PPM1E: variants seen among roughly 807,000 people sequenced by gnomAD.
PPM1E encodes protein phosphatase 1E.
PPM1E carries 20 observed loss-of-function variants against 65.9 expected under a neutral mutation model. The ratio of observed to expected loss-of-function variants is 0.30; its 90% CI spans 0.21 to 0.44. The LOEUF (loss-of-function observed/expected upper bound fraction) is 0.44. Ranked by LOEUF, PPM1E falls within the 20% of genes least tolerant of loss-of-function variation. The probability of loss-of-function intolerance (pLI) is 1.00; values close to 1 mark genes in which losing one functional copy is unlikely to be tolerated. For synonymous variants in PPM1E, 352 were observed against 374.9 expected (o/e 0.94, Z 0.70); for missense variants, 713 against 953.1 (o/e 0.75, Z 3.32).
chr17:58,845,039 G>C (rs2050757308), intron 1 of PPM1E, among the ~76,000 whole-genome samples: 1 of 152,180 alleles, frequency 6.6e-6, no homozygotes, highest in Non-Finnish European at 1.5e-5. Context: ...GAATGGCATA[G>C]TCACTTTCCT....
At chr17:58,849,238 T>G (rs985366672) in intron 1 of PPM1E, among the ~76,000 whole-genome samples, 4 of 152,140 alleles carry the variant, frequency 2.6e-5, no homozygotes, top group African/African-American at 7.2e-5. Context: ...GATTCATCGA[T>G]TTTTTTGAAG....
chr17:58,782,971 T>TTA (rs2050064834), intron 1 of PPM1E, among the ~76,000 whole-genome samples: 1 of 152,180 alleles, frequency 6.6e-6, no homozygotes, highest in South Asian at 2.1e-4. Flanking sequence ...ACAAATCACT[T>TTA]AGTAAAGTAG....
At chr17:58,862,038 C>T (rs750768643) in intron 1 of PPM1E, among the ~76,000 whole-genome samples, 1 of 152,206 alleles carries the variant, frequency 6.6e-6, no homozygotes, top group Non-Finnish European at 1.5e-5. Flanking sequence ...AGTGGAAACA[C>T]TCTTTTACTC....
intron 1 of PPM1E, among the ~76,000 whole-genome samples, chr17:58,836,904 C>T (rs1009957208): frequency 2.7e-5 from 4 of 149,638 alleles, no homozygotes; most frequent in Non-Finnish European, 5.9e-5. Flanking sequence ...CCTGTAGTCC[C>T]AGCTACACGG....
chr17:58,954,546 G>A (rs997058971), intron 1 of PPM1E, among the ~76,000 whole-genome samples: 1 of 151,876 alleles, frequency 6.6e-6, no homozygotes, highest in Admixed American at 6.6e-5. Context: ...ACTTCCTCTG[G>A]GTTTCTTTCA....
At chr17:58,813,283 T>C (rs917692933) in intron 1 of PPM1E, among the ~76,000 whole-genome samples, 1 of 152,220 alleles carries the variant, frequency 6.6e-6, no homozygotes, top group African/African-American at 2.4e-5. Context: ...TACAATGGGA[T>C]CTTTTTAGCC....
chr17:58,816,585 C>T (rs1041065813), intron 1 of PPM1E, among the ~76,000 whole-genome samples: 10 of 150,682 alleles, frequency 6.6e-5, no homozygotes, highest in African/African-American at 1.2e-4. Flanking sequence ...CCCTAGTAAC[C>T]TCTATTCTAC....
At chr17:58,771,111 T>G (rs2049933907) in intron 1 of PPM1E, among the ~76,000 whole-genome samples, 1 of 151,902 alleles carries the variant, frequency 6.6e-6, no homozygotes, top group South Asian at 2.1e-4. Flanking sequence ...CACCTTGGCC[T>G]CCCAAAGTGC....
intron 1 of PPM1E, among the ~76,000 whole-genome samples, chr17:58,791,570 C>CT (rs928946904): frequency 3.0e-4 from 46 of 152,296 alleles, no homozygotes; most frequent in African/African-American, 1.0e-3. Flanking sequence ...AACAGCAAAA[C>CT]TTTCCTCTTT....
At chr17:58,965,140 G>A (rs1330103265) in intron 2 of PPM1E, among the ~76,000 whole-genome samples, 3 of 152,142 alleles carry the variant, frequency 2.0e-5, no homozygotes, top group East Asian at 3.9e-4. Flanking sequence ...GGAATTGGAT[G>A]TAAAGGAAGA....
In PPM1E at chr17:58,972,191, G is replaced by A. The variant is rs772358717; in HGVS notation, c.1032G>A (p.Val344=). 6.2e-7 allele frequency: 1 copy of A among 1,613,720 alleles called. No individual in the cohort carries two copies. The highest frequency in any genetic ancestry group is 8.5e-7 in the Non-Finnish European group (1 of 1,179,614). ...VTFIRGNMLH[V]AWVGDSQVML... is the part of the protein sequence containing the mutation. Reference sequence around the variant, plus strand: ...TCATCAGAGGCAACATGCTACATGTGGCCTGGGTGGGTGATTCCCAGGTTA... The same window carrying A: ...TCATCAGAGGCAACATGCTACATGTAGCCTGGGTGGGTGATTCCCAGGTTA... The change falls in exon 5 of 7, where the codon GTG becomes GTA. Residue 344 remains valine (V), a synonymous_variant. Coordinates refer to ENST00000308249, the MANE Select transcript of PPM1E (RefSeq NM_014906.5).
rs562022723 is a variant in PPM1E at position 58,972,345 on chromosome 17, G to A, written c.1116+70G>A. 2.1e-5 allele frequency: 31 copies of A among 1,499,246 alleles called. 2 individuals carry two copies. The South Asian group carries it at 2.5e-4, about 12-fold the overall frequency. 92.9% of individuals were successfully genotyped at this position (1,499,246 alleles called of 1,614,324 possible). On this transcript the variant is annotated intron_variant, in intron 5 of 6. Coordinates refer to ENST00000308249, the MANE Select transcript of PPM1E (RefSeq NM_014906.5). The stretch of plus-strand genomic sequence containing the variant: ...TTTAGATTTTCTAGTTATTGATTAG[G>A]ATTCACTTACTTTTTTTTTTTTTGA...
chr17:58,978,145 C>A (rs1031898247), intron 6 of PPM1E, among the ~76,000 whole-genome samples: 1 of 152,038 alleles, frequency 6.6e-6, no homozygotes, highest in Non-Finnish European at 1.5e-5. Context: ...TCAAAAAGTT[C>A]GGTTTTAGTG....
intron 1 of PPM1E, among the ~76,000 whole-genome samples, chr17:58,879,572 C>T (rs1259800587): frequency 8.0e-6 from 1 of 124,626 alleles, no homozygotes; most frequent in Non-Finnish European, 1.6e-5. Context: ...TGCGGTGATG[C>T]TTGTCGGCTC....
chr17:58,863,431 C>T (rs547143532), intron 1 of PPM1E, among the ~76,000 whole-genome samples: 1 of 152,328 alleles, frequency 6.6e-6, no homozygotes, highest in East Asian at 1.9e-4. Context: ...GGCCCCACAG[C>T]AGGATCCAAG....
At position 58,980,842 on chromosome 17, in the gene PPM1E, T is replaced by G; in HGVS notation, c.2079T>G (p.Ala693=). 6.2e-7 allele frequency: 1 copy of G among 1,614,156 alleles called. No individual in the cohort carries two copies. The highest frequency in any genetic ancestry group is 8.5e-7 in the Non-Finnish European group (1 of 1,180,014). The part of the protein sequence containing the change: ...FNPKFYSFLS[A]QEPSHKIGTS... Reference sequence around the variant, plus strand: ...CAAAGTTTTATTCATTTCTCTCTGCTCAAGAGCCTTCCCACAAAATAGGCA... The same window carrying G: ...CAAAGTTTTATTCATTTCTCTCTGCGCAAGAGCCTTCCCACAAAATAGGCA... The change falls in exon 7 of 7, where the codon GCT becomes GCG. Residue 693 remains alanine (A), a synonymous_variant. Transcript: ENST00000308249. The surrounding 1 kb of genome is among the most constrained non-coding windows in gnomAD (Gnocchi z 4.7).
intron 1 of PPM1E, among the ~76,000 whole-genome samples, chr17:58,943,530 A>G (rs548636147): frequency 5.3e-5 from 8 of 152,298 alleles, no homozygotes; most frequent in Admixed American, 3.9e-4. Context: ...ACTCTCTGAT[A>G]TGACGATTTC....
At chr17:58,897,370 C>T (rs374511944) in intron 1 of PPM1E, among the ~76,000 whole-genome samples, 17 of 150,844 alleles carry the variant, frequency 1.1e-4, no homozygotes, top group Non-Finnish European at 1.9e-4. Context: ...GCCGAGATTG[C>T]GCCACTGCAC....
intron 1 of PPM1E, among the ~76,000 whole-genome samples, chr17:58,824,886 G>A (rs2050517757): frequency 6.6e-6 from 1 of 151,850 alleles, no homozygotes; most frequent in Non-Finnish European, 1.5e-5. Context: ...AGGATTACAG[G>A]TGTGAGCCAC....
Sources: allele counts gnomAD v4.1 joint callset (sites outside exome capture counted in the v4.1 genomes callset), GRCh38; gene constraint gnomAD v4.1.1; non-coding constraint Gnocchi (gnomAD v3.1); transcripts MANE v1.5; gene names NCBI Gene and HGNC (gene_info 2026-07-23, HGNC 2026-07-21).